UBR1: variants seen among roughly 807,000 people sequenced by gnomAD.
UBR1 encodes the protein ubiquitin protein ligase E3 component n-recognin 1.
In UBR1, 102 loss-of-function variants were observed where a neutral mutation model predicts 242.1. That is an observed-to-expected ratio of 0.42 (90% CI 0.36 to 0.50). The LOEUF is 0.50. UBR1 is among the 20% of genes least tolerant of loss of function. The probability of loss-of-function intolerance (pLI) is 0.01; values close to 1 mark genes in which losing one functional copy is unlikely to be tolerated. For synonymous variants in UBR1, 675 were observed against 684.8 expected, an observed-to-expected ratio of 0.99 and a Z score of 0.22; for missense variants, 1,772 against 2,101.8, an observed-to-expected ratio of 0.84 and a Z score of 3.07.
At chr15:43,101,983 A>AAAG (rs2034242124) in intron 1 of UBR1, among the ~76,000 whole-genome samples, 1 of 149,822 alleles carries the variant, frequency 6.7e-6, no homozygotes, top group Non-Finnish European at 1.5e-5. Context: ...AAAAAAAAAA[A>AAAG]AAAAAAAAAA....
intron 1 of UBR1, among the ~76,000 whole-genome samples, chr15:43,087,555 A>G (rs1360833602): frequency 6.6e-6 from 1 of 152,188 alleles, no homozygotes; most frequent in Non-Finnish European, 1.5e-5. Context: ...AATAAATTCA[A>G]CCTCAATATT....
rs562616019 is a variant in UBR1, at chr15:42,996,242, A to G, written c.3757+1926T>C. Among the ~76,000 whole-genome samples, 10 of 152,182 alleles carry G rather than the reference A, an allele frequency of 6.6e-5. No individual in the cohort carries two copies. In the South Asian group the frequency reaches 8.3e-4, roughly 13 times the overall value. On this transcript the variant is annotated intron_variant, in intron 33 of 46. Coordinates refer to ENST00000290650, the MANE Select transcript of UBR1 (RefSeq NM_174916.3). ...TGTTAATGCTATTTCCTCTTGTATC[A>G]TTCTTAACTGCGTAACATGCACACA...
At chr15:42,978,389 GAGA>G (rs2032322298) in intron 37 of UBR1, among the ~76,000 whole-genome samples, 1 of 152,222 alleles carries the variant, frequency 6.6e-6, no homozygotes, top group Non-Finnish European at 1.5e-5. Context: ...AATGAGGATG[GAGA>G]AGATCATCCT....
chr15:43,050,723 T>TAAAA (rs71108195), intron 12 of UBR1, among the ~76,000 whole-genome samples: 2 of 118,606 alleles, frequency 1.7e-5, no homozygotes, highest in African/African-American at 2.9e-5. Context: ...GACTCCGTCT[T>TAAAA]AAAAAAAAAA....
At chr15:42,948,478 A>G (rs532562303) in intron 46 of UBR1, among the ~76,000 whole-genome samples, 74 of 152,320 alleles carry the variant, frequency 4.9e-4, no homozygotes, top group African/African-American at 1.7e-3. Flanking sequence ...AGAAACTACC[A>G]TCAGAGTGAA....
chr15:42,997,619 T>A (rs2032659807), intron 33 of UBR1, among the ~76,000 whole-genome samples: 1 of 152,226 alleles, frequency 6.6e-6, no homozygotes. Flanking sequence ...AATAAGATGA[T>A]AGTTTTAAAA....
intron 29 of UBR1, among the ~76,000 whole-genome samples, chr15:43,010,662 T>G (rs2032909708): frequency 6.6e-6 from 1 of 151,758 alleles, no homozygotes; most frequent in Non-Finnish European, 1.5e-5. Context: ...ACATTCAGTT[T>G]TCAAGAGGAA....
rs559954990 is a variant in UBR1 at position 43,102,907 on chromosome 15, G to A, written c.81+3035C>T. Among the ~76,000 whole-genome samples, 48 of 152,232 alleles carry A rather than the reference G, an allele frequency of 3.2e-4. No homozygotes were observed. The South Asian group carries it at 8.3e-3, about 26-fold the overall frequency. ...ATCCGGGCTGGGCGTAGTGGCTCAC[G>A]CCTGTAATCCCACCACTTTGGGAGG... On this transcript the variant is annotated intron_variant, in intron 1 of 46. Coordinates refer to ENST00000290650, the MANE Select transcript of UBR1 (RefSeq NM_174916.3).
At position 43,086,214 on chromosome 15, in the gene UBR1, A is replaced by G. The variant is rs763614959; in HGVS notation, c.108T>C (p.Tyr36=). 1.2e-6 allele frequency: 2 copies of G among 1,613,948 alleles called. No homozygotes were observed. The highest frequency in any genetic ancestry group is 2.2e-5 in the East Asian group (1 of 44,876). ...GTGCCAAATGATGCAAGAAAGCAGT[A>G]TAAAAATCAACTTGCTGATCCCACC... is the stretch of plus-strand genomic sequence containing the variant. ...ASWWDQQVDF[Y]TAFLHHLAQL... is the part of the protein sequence containing the mutation. Residue 36 remains tyrosine (Y), a synonymous_variant, in exon 2 of 47, where the codon TAT becomes TAC. Transcript: ENST00000290650.
At chr15:43,008,863 C>T (rs1115752) in intron 29 of UBR1, among the ~76,000 whole-genome samples, 10,115 of 152,198 alleles carry the variant, frequency 0.066, 510 homozygotes, top group Non-Finnish European at 0.1. Context: ...GAGATACCCA[C>T]TCTGGATCTC....
chr15:42,945,694 G>C (rs534164417), intron 46 of UBR1, among the ~76,000 whole-genome samples: 3 of 152,290 alleles, frequency 2.0e-5, no homozygotes, highest in African/African-American at 7.2e-5. Context: ...TCATAAAATA[G>C]GTCAGGTATA....
At position 43,048,443 on chromosome 15, in the gene UBR1, C is replaced by T; in HGVS notation, c.1488G>A (p.Met496Ile). 6.2e-7 allele frequency: 1 copy of T among 1,613,736 alleles called. No homozygotes were observed. The highest frequency in any genetic ancestry group is 8.5e-7 in the Non-Finnish European group (1 of 1,179,896). The change falls in exon 13 of 47, where the codon ATG (methionine) becomes ATA (isoleucine). Residue 496 changes from methionine (M) to isoleucine (I), a missense_variant. By Grantham distance (10) the Met-to-Ile change is conservative. Around this residue, in one of 3 missense-constraint regions of UBR1, gnomAD observed 734 missense variants for 893.3 expected, o/e 0.82. Transcript: ENST00000290650. ...KPTIWTERLR[M>I]QFLEGFRSFL... ...AAGATCGAAAACCTTCAAGGAACTG[C>T]ATTCTTAATCTTTCTGTCCATATTG...
chr15:42,988,748 A>C, intron 35 of UBR1, 71 bp downstream of exon 35: 1 of 1,594,902 alleles, frequency 6.3e-7, no homozygotes, highest in East Asian at 2.2e-5. Flanking sequence ...AGTGAAAAAA[A>C]GAATTTAAGA....
At chr15:43,007,629 A>AGTATT (rs2032853143) in intron 29 of UBR1, among the ~76,000 whole-genome samples, 1 of 152,022 alleles carries the variant, frequency 6.6e-6, no homozygotes, top group African/African-American at 2.4e-5. Flanking sequence ...AATCTATAAT[A>AGTATT]GTATAAAAAA....
chr15:43,102,050 G>C (rs2034243937), intron 1 of UBR1, among the ~76,000 whole-genome samples: 1 of 148,998 alleles, frequency 6.7e-6, no homozygotes, highest in South Asian at 2.1e-4. Context: ...TGAGGCAAGA[G>C]AATCACTTGA....
At chr15:43,078,041 G>T (rs897549166) in intron 3 of UBR1, among the ~76,000 whole-genome samples, 1 of 152,204 alleles carries the variant, frequency 6.6e-6, no homozygotes, top group Non-Finnish European at 1.5e-5. Context: ...AAGCCTGTGG[G>T]TGCAGATAGC....
intron 1 of UBR1, among the ~76,000 whole-genome samples, chr15:43,089,072 G>T (rs555615896): frequency 6.6e-6 from 1 of 151,540 alleles, no homozygotes; most frequent in Non-Finnish European, 1.5e-5. Flanking sequence ...TGAGGCACGA[G>T]AATTGCTTGA....
chr15:43,059,025 C>CT, intron 9 of UBR1, 60 bp downstream of exon 9: 1 of 1,345,366 alleles, frequency 7.4e-7, no homozygotes, highest in East Asian at 2.3e-5. Context: ...TACAGCTCCA[C>CT]TTTAAGGTCA....
At chr15:43,011,838 A>C in intron 29 of UBR1, 1 of 430,266 alleles carries the variant, frequency 2.3e-6, no homozygotes, top group South Asian at 1.7e-5. Flanking sequence ...CTAAGGAAAA[A>C]TTAGAAGCAA....
Sources: gnomAD v4.1 joint callset for allele counts (sites outside exome capture counted in the v4.1 genomes callset) on GRCh38, gnomAD v4.1.1 for gene constraint, gnomAD v4.1.1 regional missense constraint, MANE v1.5 for transcripts, NCBI Gene and HGNC (gene_info 2026-07-23, HGNC 2026-07-21) for gene names.